RTTN: variants seen among roughly 807,000 people sequenced by gnomAD.
The protein encoded by RTTN is rotatin.
In RTTN, 182 loss-of-function variants were observed where a neutral mutation model predicts 269.2. That is an observed-to-expected ratio of 0.68 (90% confidence interval 0.60 to 0.76). The LOEUF (loss-of-function observed/expected upper bound fraction) is 0.76, where lower values mean the gene tolerates loss of function less well. Among genes scored for constraint, RTTN ranks in the 30% least tolerant of loss-of-function variants. The pLI is 0.00. For synonymous variants in RTTN, 1,006 were observed against 963.5 expected (o/e 1.04, Z -0.82); for missense variants, 2,545 against 2,608.6 (o/e 0.98, Z 0.53).
At position 70,051,419 on chromosome 18, in the gene RTTN, G is replaced by A. The variant is rs200631915; in HGVS notation, c.5315C>T (p.Ala1772Val). The A allele has an allele frequency of 9.6e-5, 154 of 1,608,964 alleles. No individual in the cohort carries two copies. The highest frequency in any genetic ancestry group is 4.2e-4 in the East Asian group (19 of 44,798). Reference sequence around the variant, plus strand: ...TGCAAGTATCTTCTTACCAATCGCCGCTGTCCAGTGCTTGGCCAGGGCCAC... The same window carrying A: ...TGCAAGTATCTTCTTACCAATCGCCACTGTCCAGTGCTTGGCCAGGGCCAC... Reference protein sequence around the residue: ...VTVALAKHWTAAIDMFCTCAG... With the variant: ...VTVALAKHWTVAIDMFCTCAG... The change falls in exon 39 of 49, where the codon GCG becomes GTG. Residue 1772 changes from alanine to valine, a missense_variant. Physicochemically the swap from Ala to Val is moderately conservative, Grantham distance 64 (BLOSUM62 0). Coordinates refer to ENST00000640769, the MANE Select transcript of RTTN (RefSeq NM_173630.4).
chr18:70,053,234 G>C (rs1465776919), intron 38 of RTTN: 2 of 152,204 alleles, frequency 1.3e-5, no homozygotes, highest in Non-Finnish European at 2.9e-5. Context: ...GATTGTCTCA[G>C]GTAGAGTTGA....
chr18:70,142,394 AC>A lies in RTTN; in HGVS notation c.2482-8del, dbSNP rs765930571. ...CCTTTTCAACAGTCTCCAACTACAAACCAAAAAAAAAAAAAAACCAAAATTA... is the reference window on the plus strand; with the variant it reads ...CCTTTTCAACAGTCTCCAACTACAAACAAAAAAAAAAAAAAACCAAAATTA... On this transcript the variant is annotated splice_polypyrimidine_tract_variant and splice_region_variant and intron_variant, in intron 18 of 48. Coordinates refer to ENST00000640769, the MANE Select transcript of RTTN (RefSeq NM_173630.4). 77 of 1,438,304 alleles carry A rather than the reference AC, an allele frequency of 5.4e-5. No homozygotes were observed. Among genetic ancestry groups the A allele is most frequent in the Non-Finnish European group, 6.8e-5 (71 of 1,047,992 alleles). The allele number at this position is 1,438,304 out of a possible 1,614,324, so 89.1% of individuals were successfully genotyped here. A position where few individuals can be genotyped will look rare whatever the true frequency, so the allele number is the denominator to read the frequency against.
chr18:70,072,293 G>T (rs2058316500), intron 34 of RTTN, among the ~76,000 whole-genome samples: 1 of 151,858 alleles, frequency 6.6e-6, no homozygotes, highest in Non-Finnish European at 1.5e-5. Context: ...AAAATAATAA[G>T]AAATAAATTT....
chr18:70,196,256 G>C (rs1200261870), intron 7 of RTTN, among the ~76,000 whole-genome samples: 1 of 150,728 alleles, frequency 6.6e-6, no homozygotes, highest in Non-Finnish European at 1.5e-5. Flanking sequence ...TGCAAGTTTG[G>C]GAGAAAAAAG....
intron 46 of RTTN, among the ~76,000 whole-genome samples, chr18:70,016,353 T>C (rs897491405): frequency 5.3e-5 from 8 of 152,112 alleles, no homozygotes; most frequent in African/African-American, 1.9e-4. Context: ...GTACCAGAAA[T>C]AGCGCTAGGC....
chr18:70,007,785 T>TC (rs1184049115), intron 46 of RTTN: 6 of 152,126 alleles, frequency 3.9e-5, no homozygotes, highest in Admixed American at 3.9e-4. Context: ...AACTCCCATC[T>TC]CCCTGGGACA....
At chr18:70,057,359 C>T (rs1046493072) in intron 37 of RTTN, among the ~76,000 whole-genome samples, 1 of 152,122 alleles carries the variant, frequency 6.6e-6, no homozygotes, top group African/African-American at 2.4e-5. Context: ...CATAACTTAG[C>T]CACCAAATAT....
intron 28 of RTTN, among the ~76,000 whole-genome samples, chr18:70,104,138 A>G (rs1379423646): frequency 6.6e-6 from 1 of 152,136 alleles, no homozygotes; most frequent in African/African-American, 2.4e-5. Flanking sequence ...TCAAATGTAG[A>G]TTTGGTCTTT....
chr18:70,189,688 G>C (rs1487656030), intron 9 of RTTN, among the ~76,000 whole-genome samples: 1 of 152,158 alleles, frequency 6.6e-6, no homozygotes, highest in Admixed American at 6.5e-5. Context: ...TTCATCATTT[G>C]TAAAAATGGA....
intron 25 of RTTN, among the ~76,000 whole-genome samples, chr18:70,125,092 A>C (rs1326399505): frequency 2.0e-5 from 3 of 152,080 alleles, no homozygotes; most frequent in African/African-American, 7.2e-5. Context: ...CATACACATA[A>C]ATTAATGTTG....
At chr18:70,070,240 A>G (rs489677) in intron 34 of RTTN, among the ~76,000 whole-genome samples, 2,124 of 152,328 alleles carry the variant, frequency 0.014, 43 homozygotes, top group African/African-American at 0.049. Context: ...AATTTCCAAG[A>G]GCTTGTCTCA....
intron 35 of RTTN, among the ~76,000 whole-genome samples, chr18:70,060,338 C>CA (rs1452365056): frequency 6.6e-6 from 1 of 152,132 alleles, no homozygotes; most frequent in Admixed American, 6.5e-5. Context: ...CCCACGTATT[C>CA]AGACACTGAG....
intron 40 of RTTN, among the ~76,000 whole-genome samples, chr18:70,037,601 A>G (rs565200265): frequency 3.3e-5 from 5 of 152,280 alleles, no homozygotes; most frequent in African/African-American, 1.2e-4. Context: ...GCCCTGAATA[A>G]CCAGCAGCAA....
intron 32 of RTTN, among the ~76,000 whole-genome samples, chr18:70,080,197 C>T (rs1364441239): frequency 6.6e-6 from 1 of 152,024 alleles, no homozygotes; most frequent in Non-Finnish European, 1.5e-5. Context: ...CTATTTAAAA[C>T]ATATACACAG....
At chr18:70,017,222 G>A (rs1002999063) in intron 46 of RTTN, among the ~76,000 whole-genome samples, 185 bp downstream of exon 46, 1 of 152,144 alleles carries the variant, frequency 6.6e-6, no homozygotes, top group Non-Finnish European at 1.5e-5. Context: ...CTAACCTCAG[G>A]AGACTCCTGG....
chr18:70,174,926 G>A (rs1413042570), intron 11 of RTTN, among the ~76,000 whole-genome samples: 1 of 150,706 alleles, frequency 6.6e-6, no homozygotes, highest in Non-Finnish European at 1.5e-5. Flanking sequence ...TACTTGGGAG[G>A]CTGAGGAAGG....
At chr18:70,060,136 TGATAATGTATAGTTGG>T (rs1216633454) in intron 35 of RTTN, 94 bp from the exon 36 acceptor site, 9 of 1,128,090 alleles carry the variant, frequency 8.0e-6, no homozygotes, top group Non-Finnish European at 1.1e-5. Flanking sequence ...TTCCTGAAAA[TGATAATGTATAGTTGG>T]GGAATTGCCT....
At chr18:70,014,893 A>G (rs939464727) in intron 46 of RTTN, among the ~76,000 whole-genome samples, 3 of 152,196 alleles carry the variant, frequency 2.0e-5, no homozygotes, top group Non-Finnish European at 2.9e-5. Flanking sequence ...CACTTGGGGC[A>G]AAATAATTTT....
chr18:70,200,516 C>T (rs2061920811), intron 4 of RTTN, among the ~76,000 whole-genome samples: 1 of 152,212 alleles, frequency 6.6e-6, no homozygotes, highest in Admixed American at 6.5e-5. Context: ...AGCCTCTCAG[C>T]CATCTGGCCT....
Sources: allele counts gnomAD v4.1 joint callset (sites outside exome capture counted in the v4.1 genomes callset), GRCh38; gene constraint gnomAD v4.1.1; transcripts MANE v1.5; gene names NCBI Gene and HGNC (gene_info 2026-07-23, HGNC 2026-07-21).